Variants in KCTD3 observed in about 807,000 individuals in gnomAD.
KCTD3 encodes the protein potassium channel tetramerization domain containing 3, also known as BTB/POZ domain-containing protein KCTD3.
Under a neutral mutation model 85.8 loss-of-function variants are expected in KCTD3, and 41 were observed. The ratio of observed to expected loss-of-function variants is 0.48; its 90% CI spans 0.37 to 0.62. The LOEUF (loss-of-function observed/expected upper bound fraction) is 0.62. Among genes scored for constraint, KCTD3 ranks in the 20% least tolerant of loss-of-function variants. The pLI is 0.00. For synonymous variants in KCTD3, 338 were observed against 345.4 expected, an observed-to-expected ratio of 0.98 and a Z score of 0.24; for missense variants, 724 against 989.9, an observed-to-expected ratio of 0.73 and a Z score of 3.60.
intron 1 of KCTD3, among the ~76,000 whole-genome samples, chr1:215,568,237 A>C (rs1007464764): frequency 8.2e-4 from 125 of 152,098 alleles, no homozygotes; most frequent in African/African-American, 3.0e-3. Flanking sequence ...TTCCGCGCCT[A>C]ATTAGGGGAT....
chr1:215,599,782 A>G (rs1654760594), intron 10 of KCTD3, among the ~76,000 whole-genome samples: 1 of 152,108 alleles, frequency 6.6e-6, no homozygotes, highest in Non-Finnish European at 1.5e-5. Context: ...AGGTTACAGA[A>G]GGAGAAGTAG....
chr1:215,592,206 CTG>C (rs974737254), intron 9 of KCTD3, among the ~76,000 whole-genome samples: 1 of 152,086 alleles, frequency 6.6e-6, no homozygotes, highest in Non-Finnish European at 1.5e-5. Flanking sequence ...CAGAACCAAA[CTG>C]TATCACTTAG....
At chr1:215,594,004 C>T (rs888341425) in intron 9 of KCTD3, among the ~76,000 whole-genome samples, 4 of 151,792 alleles carry the variant, frequency 2.6e-5, no homozygotes, top group South Asian at 2.1e-4. Flanking sequence ...GGATTACAGG[C>T]GTGTGCTACC....
chr1:215,611,902 C>T lies in KCTD3; in HGVS notation c.1543C>T (p.Leu515Phe), dbSNP rs1361375828. ...VPITNKLFVR[L>F]SSTGKRICEI... ...CATCACCAACAAACTATTTGTAAGA[C>T]TCTCATCGACTGGAAAAAGGTAACA... The change falls in exon 15 of 18, where the codon CTC (leucine) becomes TTC (phenylalanine). Residue 515 changes from leucine (L) to phenylalanine (F), a missense_variant. Around this residue, in one of 6 missense-constraint regions of KCTD3, gnomAD observed 136 missense variants for 197.6 expected, o/e 0.69. Coordinates refer to ENST00000259154, the MANE Select transcript of KCTD3 (RefSeq NM_016121.5). 6 of 1,601,718 alleles carry T rather than the reference C, an allele frequency of 3.7e-6. No homozygotes were observed. Among genetic ancestry groups the T allele is most frequent in the Non-Finnish European group, 5.1e-6 (6 of 1,170,240 alleles).
rs1659472070 is a variant in KCTD3 at position 215,574,004 on chromosome 1, G to A, written c.138-69G>A. The A allele has an allele frequency of 6.0e-6, 7 of 1,173,624 alleles. No homozygotes were observed. The South Asian group carries it at 8.7e-5, about 15-fold the overall frequency. The allele number at this position is 1,173,624 out of a possible 1,614,324, so 72.7% of individuals were successfully genotyped here. ...TACTTTTAGTGGTCTTTAACATTTG[G>A]TAAAGAATTAGCACATTTGTTTATA... On this transcript the variant is annotated intron_variant, in intron 2 of 17. Transcript: ENST00000259154.
chr1:215,595,988 A>C (rs150375925), intron 10 of KCTD3, among the ~76,000 whole-genome samples: 87 of 152,302 alleles, frequency 5.7e-4, no homozygotes, highest in African/African-American at 1.9e-3. Flanking sequence ...TGAAAAGTGG[A>C]CTGGAGGTCA....
intron 4 of KCTD3, among the ~76,000 whole-genome samples, 199 bp downstream of exon 4, chr1:215,576,173 A>G (rs1192488564): frequency 6.6e-6 from 1 of 151,890 alleles, no homozygotes; most frequent in Non-Finnish European, 1.5e-5. Context: ...GGTTCAAACA[A>G]TTCTCCTGCC....
rs753479757 is a variant in KCTD3 at position 215,578,114 on chromosome 1, T to G, written c.397+33T>G. On this transcript the variant is annotated intron_variant, in intron 6 of 17. Transcript: ENST00000259154. ...CACTTTATTAAATCTTTTAAAAAAT[T>G]CCTTGTATCATTAAGCAAGTACAAG... 6.1e-5 allele frequency: 96 copies of G among 1,582,412 alleles called. 1 individual carries two copies. The highest frequency in any genetic ancestry group is 1.7e-5 in the Non-Finnish European group (20 of 1,156,908).
At chr1:215,615,763 T>C (rs1489069805) in intron 15 of KCTD3, among the ~76,000 whole-genome samples, 1 of 152,198 alleles carries the variant, frequency 6.6e-6, no homozygotes, top group Non-Finnish European at 1.5e-5. Flanking sequence ...GATTTTATTA[T>C]ACTTTTATAT....
intron 17 of KCTD3, 134 bp from the exon 18 acceptor site, chr1:215,619,923 T>G: frequency 1.8e-6 from 1 of 569,864 alleles, no homozygotes. Context: ...ATAAGTATAT[T>G]TTTACAAAGA....
At position 215,620,086 on chromosome 1, in the gene KCTD3, A is replaced by G. The variant is rs771003517; in HGVS notation, c.1916A>G (p.His639Arg). The change falls in exon 18 of 18, where the codon CAT (histidine) becomes CGT (arginine). Residue 639 changes from histidine (H) to arginine (R), a missense_variant. Around this residue, in one of 6 missense-constraint regions of KCTD3, gnomAD observed 222 missense variants for 217.7 expected, o/e 1.02. Coordinates refer to ENST00000259154, the MANE Select transcript of KCTD3 (RefSeq NM_016121.5). ...SLQLQHHDTT[H>R]EAATYGSMRP... is the part of the protein sequence containing the mutation. The stretch of plus-strand genomic sequence containing the variant: ...CAGCTTCAGCACCATGATACCACCC[A>G]TGAAGCAGCTACTTACGGTTCCATG... 6.2e-7 allele frequency: 1 copy of G among 1,605,542 alleles called. No individual in the cohort carries two copies. Among genetic ancestry groups the G allele is most frequent in the South Asian group, 1.1e-5 (1 of 89,258 alleles).
At chr1:215,604,039 C>G in intron 12 of KCTD3, 93 bp from the exon 13 acceptor site, 1 of 939,058 alleles carries the variant, frequency 1.1e-6, no homozygotes, top group Non-Finnish European at 1.6e-6. Flanking sequence ...GTGAATCCAG[C>G]TCTGCCTATT....
At chr1:215,604,572 C>A (rs1415435114) in intron 13 of KCTD3, among the ~76,000 whole-genome samples, 1 of 151,544 alleles carries the variant, frequency 6.6e-6, no homozygotes, top group Non-Finnish European at 1.5e-5. Context: ...ATGGTGAAAC[C>A]CCACCTCTAC....
At chr1:215,609,458 C>CAT (rs1655151816) in intron 14 of KCTD3, among the ~76,000 whole-genome samples, 1 of 151,948 alleles carries the variant, frequency 6.6e-6, no homozygotes, top group Non-Finnish European at 1.5e-5. Flanking sequence ...GGCATCTATA[C>CAT]ATCAAACTAA....
chr1:215,582,987 TTA>T (rs1328419187), intron 8 of KCTD3, among the ~76,000 whole-genome samples: 3 of 152,224 alleles, frequency 2.0e-5, no homozygotes, highest in African/African-American at 7.2e-5. Flanking sequence ...TCTGTAGTTG[TTA>T]TAGTTATTTT....
chr1:215,619,084 C>A lies in KCTD3; in HGVS notation c.1747+14C>A, dbSNP rs1655565031. On this transcript the variant is annotated intron_variant, in intron 16 of 17. Coordinates refer to ENST00000259154, the MANE Select transcript of KCTD3 (RefSeq NM_016121.5). ...GTGAAGATAAGGGTAGGTTCTCATA[C>A]AGAAAGATGTTTGTCACAAGGTTAA... is the stretch of plus-strand genomic sequence containing the variant. The A allele has an allele frequency of 5.6e-6, 9 of 1,609,262 alleles. No individual in the cohort carries two copies. The East Asian group carries it at 2.0e-4, about 36-fold the overall frequency.
intron 9 of KCTD3, among the ~76,000 whole-genome samples, chr1:215,594,333 A>G (rs1039638848): frequency 6.6e-6 from 1 of 152,322 alleles, no homozygotes; most frequent in South Asian, 2.1e-4. Flanking sequence ...ACAAGTGTAT[A>G]AGGCCAATAT....
intron 15 of KCTD3, among the ~76,000 whole-genome samples, chr1:215,613,068 T>C (rs955609061): frequency 1.3e-5 from 2 of 152,118 alleles, no homozygotes; most frequent in Admixed American, 6.6e-5. Context: ...GGTTGATCTA[T>C]GCAGCAAACC....
At chr1:215,600,350 T>G (rs1209123225) in intron 10 of KCTD3, among the ~76,000 whole-genome samples, 1 of 152,196 alleles carries the variant, frequency 6.6e-6, no homozygotes, top group Non-Finnish European at 1.5e-5. Flanking sequence ...TTCTGTGCTT[T>G]TTTTACTTGC....
Sources: gnomAD v4.1 joint callset for allele counts (sites outside exome capture counted in the v4.1 genomes callset) on GRCh38, gnomAD v4.1.1 for gene constraint, gnomAD v4.1.1 regional missense constraint, MANE v1.5 for transcripts, NCBI Gene and HGNC (gene_info 2026-07-23, HGNC 2026-07-21) for gene names.